Variants in IL1RAPL2 observed in about 807,000 individuals in gnomAD.
The protein encoded by IL1RAPL2 is X-linked interleukin-1 receptor accessory protein-like 2.
Under a neutral mutation model 44.1 loss-of-function variants are expected in IL1RAPL2, and 3 were observed. The ratio of observed to expected loss-of-function variants is 0.07; its 90% CI spans 0.03 to 0.18. The LOEUF is 0.18. Ranked by LOEUF, IL1RAPL2 falls within the 10% of genes least tolerant of loss-of-function variation. The probability of loss-of-function intolerance (pLI) is 1.00; values close to 1 mark genes in which losing one functional copy is unlikely to be tolerated. For missense variants in IL1RAPL2, 391 were observed against 496.4 expected, an observed-to-expected ratio of 0.79 and a Z score of 2.02; for synonymous variants, 181 against 178.8, an observed-to-expected ratio of 1.01 and a Z score of -0.10.
At chrX:104,746,102 C>T (rs770080899) in intron 2 of IL1RAPL2, among the ~76,000 whole-genome samples, 6 of 111,582 alleles carry the variant, frequency 5.4e-5, no homozygotes, top group Non-Finnish European at 1.1e-4. Flanking sequence ...GAAAACAAAA[C>T]AATAATATTT....
intron 2 of IL1RAPL2, among the ~76,000 whole-genome samples, chrX:105,042,649 C>A (rs1233401761): frequency 9.8e-6 from 1 of 102,301 alleles, no homozygotes; most frequent in Non-Finnish European, 2.0e-5. Context: ...ACTAGTTCAA[C>A]CATTGTGGAA....
intron 2 of IL1RAPL2, among the ~76,000 whole-genome samples, chrX:105,116,006 C>T (rs780351943): frequency 7.9e-5 from 9 of 113,353 alleles, no homozygotes; most frequent in Non-Finnish European, 1.7e-4. Flanking sequence ...GCTCTGAGTG[C>T]GGGGCCGCTG....
intron 2 of IL1RAPL2, among the ~76,000 whole-genome samples, chrX:105,052,299 T>C (rs1486039914): frequency 2.7e-5 from 3 of 112,212 alleles, no homozygotes; most frequent in Non-Finnish European, 5.6e-5. Flanking sequence ...AGGAGTTGCA[T>C]GCTCTGCTTC....
At chrX:104,879,512 G>A (rs1223345826) in intron 2 of IL1RAPL2, among the ~76,000 whole-genome samples, 3 of 111,336 alleles carry the variant, frequency 2.7e-5, no homozygotes, top group Non-Finnish European at 5.7e-5. Flanking sequence ...ACACACAACA[G>A]TTTCATTTTC....
intron 1 of IL1RAPL2, among the ~76,000 whole-genome samples, chrX:104,658,641 A>G (rs1454977152): frequency 1.8e-5 from 2 of 112,524 alleles, no homozygotes; most frequent in Non-Finnish European, 3.8e-5. Context: ...ATTGAAAAAG[A>G]AAGTCTAATG....
At chrX:105,217,764 G>T (rs965730706) in intron 3 of IL1RAPL2, among the ~76,000 whole-genome samples, 1 of 112,125 alleles carries the variant, frequency 8.9e-6, no homozygotes, top group Non-Finnish European at 1.9e-5. Flanking sequence ...GGAATACTAT[G>T]CAGCCATAAA....
intron 5 of IL1RAPL2, among the ~76,000 whole-genome samples, chrX:105,349,754 A>G (rs766429554): frequency 2.7e-5 from 3 of 112,107 alleles, no homozygotes; most frequent in Admixed American, 9.5e-5. Flanking sequence ...CTTCCTCTTC[A>G]TAATCCATCA....
intron 6 of IL1RAPL2, among the ~76,000 whole-genome samples, chrX:105,592,318 G>A (rs772822534): frequency 6.8e-4 from 76 of 111,875 alleles, no homozygotes; most frequent in African/African-American, 2.4e-3. Flanking sequence ...GTCTATGGGT[G>A]TCATTGCCTG....
At chrX:105,275,444 T>C (rs2034478719) in intron 5 of IL1RAPL2, among the ~76,000 whole-genome samples, 1 of 112,050 alleles carries the variant, frequency 8.9e-6, no homozygotes, top group African/African-American at 3.2e-5. Flanking sequence ...AGGTTATGAT[T>C]AGTATCACTT....
At chrX:104,774,862 G>T (rs1196833881) in intron 2 of IL1RAPL2, among the ~76,000 whole-genome samples, 5 of 112,086 alleles carry the variant, frequency 4.5e-5, no homozygotes, top group Non-Finnish European at 9.4e-5. Context: ...TAAGATGTGT[G>T]GTGTAGTAAT....
At chrX:105,172,875 G>A (rs986681435) in intron 2 of IL1RAPL2, among the ~76,000 whole-genome samples, 18 of 111,575 alleles carry the variant, frequency 1.6e-4, no homozygotes, top group African/African-American at 5.9e-4. Flanking sequence ...CAGGGACTTA[G>A]TATTTCACTA....
intron 6 of IL1RAPL2, among the ~76,000 whole-genome samples, chrX:105,653,692 C>G (rs1284140964): frequency 9.0e-6 from 1 of 111,188 alleles, no homozygotes; most frequent in African/African-American, 3.3e-5. Context: ...CACACTCAAG[C>G]AAGTATTACT....
At chrX:104,653,112 T>C (rs757313496) in intron 1 of IL1RAPL2, among the ~76,000 whole-genome samples, 3 of 111,189 alleles carry the variant, frequency 2.7e-5, no homozygotes, top group Non-Finnish European at 3.8e-5. Flanking sequence ...TATAACAGCC[T>C]GCTGATGGGA....
At chrX:104,708,512 T>C (rs1330556916) in intron 2 of IL1RAPL2, among the ~76,000 whole-genome samples, 1 of 111,243 alleles carries the variant, frequency 9.0e-6, no homozygotes, top group Non-Finnish European at 1.9e-5. Context: ...AATAAATGAA[T>C]TGAAGGCAAC....
intron 2 of IL1RAPL2, among the ~76,000 whole-genome samples, chrX:104,950,705 T>TTG (rs1925551900): frequency 1.3e-5 from 1 of 77,189 alleles, no homozygotes; most frequent in Non-Finnish European, 2.6e-5. Context: ...GTTTGTTTGT[T>TTG]TTTGTTTTTG....
intron 2 of IL1RAPL2, among the ~76,000 whole-genome samples, chrX:104,659,592 A>C (rs1377445760): frequency 8.9e-6 from 1 of 112,311 alleles, no homozygotes; most frequent in Non-Finnish European, 1.9e-5. Context: ...AAGCTTAATC[A>C]TTGTTTAATA....
In IL1RAPL2 at chrX:104,938,837, A is replaced by C. The variant is rs759891649; in HGVS notation, c.83-256638A>C. Among the ~76,000 whole-genome samples the C allele has an allele frequency of 3.6e-5, 4 of 111,617 alleles. No individual in the cohort carries two copies. The South Asian group carries it at 1.5e-3, about 42-fold the overall frequency. ...TAACAAGTGACCAAGGAAAAAAGGAAAGTGGTGTCATGGGAAAATAGCATT... is the reference window on the plus strand; with the variant it reads ...TAACAAGTGACCAAGGAAAAAAGGACAGTGGTGTCATGGGAAAATAGCATT... On this transcript the variant is annotated intron_variant, in intron 2 of 10. Transcript: ENST00000372582.
chrX:105,730,808 G>A (rs753866530), intron 7 of IL1RAPL2, among the ~76,000 whole-genome samples: 4 of 111,301 alleles, frequency 3.6e-5, no homozygotes, highest in African/African-American at 1.3e-4. Flanking sequence ...AAAAAGTCGA[G>A]AAACAAATGA....
intron 4 of IL1RAPL2, among the ~76,000 whole-genome samples, chrX:105,253,896 T>G (rs5962269): frequency 0.23 from 25,713 of 111,335 alleles, 6,182 homozygotes; most frequent in African/African-American, 0.74. Flanking sequence ...CTTTTTTATG[T>G]CTGCATAGTG....
Sources: gnomAD v4.1 joint callset for allele counts (sites outside exome capture counted in the v4.1 genomes callset) on GRCh38, gnomAD v4.1.1 for gene constraint, MANE v1.5 for transcripts, NCBI Gene and HGNC (gene_info 2026-07-23, HGNC 2026-07-21) for gene names.